The following EMC3 variants were observed in gnomAD, a reference collection of about 807,000 sequenced individuals.
EMC3 encodes the protein ER membrane protein complex subunit 3.
EMC3 carries 13 observed loss-of-function variants against 36.6 expected under a neutral mutation model. The ratio of observed to expected loss-of-function variants is 0.35; its 90% CI spans 0.23 to 0.56. The LOEUF is 0.56. Ranked by LOEUF, EMC3 falls within the 20% of genes least tolerant of loss-of-function variation. The pLI, the probability that EMC3 is intolerant of heterozygous loss-of-function variation, is 0.84. For synonymous variants in EMC3, 120 were observed against 111.9 expected (o/e 1.07, Z -0.46); for missense variants, 220 against 324.5 (o/e 0.68, Z 2.47).
At chr3:10,007,158 C>T in intron 1 of EMC3, 1 of 485,414 alleles carries the variant, frequency 2.1e-6, no homozygotes, top group Non-Finnish European at 3.2e-6. Context: ...AAAAAGCCAC[C>T]TCAGAGAAGT....
intron 1 of EMC3, among the ~76,000 whole-genome samples, chr3:9,978,606 C>T (rs1466891605): frequency 6.6e-6 from 1 of 151,936 alleles, no homozygotes; most frequent in Non-Finnish European, 1.5e-5. Context: ...CCGAGGTGGG[C>T]GGATCACGAG....
chr3:10,000,157 G>T (rs1331193229), intron 1 of EMC3, among the ~76,000 whole-genome samples: 2 of 151,994 alleles, frequency 1.3e-5, no homozygotes, highest in African/African-American at 4.8e-5. Context: ...TTCTCTCTCA[G>T]CCTCCCAAGT....
In EMC3 at chr3:9,963,770, C is replaced by T. The variant is rs1207166650; in HGVS notation, c.*299G>A. ...GGATTACAGGCGTGAGCCACTGCGC[C>T]TGGCCAAGATTTTATATATTATCAG... is the stretch of plus-strand genomic sequence containing the variant. On this transcript the variant is annotated 3_prime_UTR_variant, in exon 8 of 8. Coordinates refer to ENST00000245046, the MANE Select transcript of EMC3 (RefSeq NM_001394674.1). 1 of 237,324 alleles carries T rather than the reference C, an allele frequency of 4.2e-6. No homozygotes were observed. The highest frequency in any genetic ancestry group is 8.1e-6 in the Non-Finnish European group (1 of 123,430). 14.7% of individuals were successfully genotyped at this position (237,324 alleles called of 1,614,324 possible).
chr3:9,988,004 C>A (rs952741669), upstream of EMC3: 13 of 887,282 alleles, frequency 1.5e-5, no homozygotes, highest in Non-Finnish European at 2.2e-5. Context: ...AAAGGACAAG[C>A]AAGGTAAAGA....
intron 1 of EMC3, among the ~76,000 whole-genome samples, chr3:9,995,986 C>T (rs2886396): frequency 0.23 from 34,202 of 151,972 alleles, 4,466 homozygotes; most frequent in African/African-American, 0.36. Flanking sequence ...GGCACTGATA[C>T]ATTAGATCCT....
chr3:9,983,119 C>A (rs2085929547), intron 1 of EMC3, among the ~76,000 whole-genome samples: 1 of 151,536 alleles, frequency 6.6e-6, no homozygotes, highest in Non-Finnish European at 1.5e-5. Flanking sequence ...GTGTTACTGC[C>A]CTGTAGGGGG....
rs371322574 is a variant in EMC3 at position 9,973,678 on chromosome 3, A to G, written c.444T>C (p.Phe148=). 5.6e-6 allele frequency: 9 copies of G among 1,614,194 alleles called. No homozygotes were observed. Among genetic ancestry groups the G allele is most frequent in the Non-Finnish European group, 7.6e-6 (9 of 1,180,016 alleles). The change falls in exon 5 of 8, where the codon TTT becomes TTC. Residue 148 remains phenylalanine (F), a synonymous_variant. Coordinates refer to ENST00000245046, the MANE Select transcript of EMC3 (RefSeq NM_001394674.1). The stretch of plus-strand genomic sequence containing the variant: ...CGATTCCTTGCTGTAACATAGGCTT[A>G]AAACGGAGGGTCAGTGGAAATGGGA... ...TKVPFPLTLR[F]KPMLQQGIEL... is the part of the protein sequence containing the mutation.
In EMC3 at chr3:9,964,098, T is replaced by G; in HGVS notation, c.757A>C (p.Lys253Gln). ...AKDLHFEGMF[K>Q]KELQTSIF ...AAAATAGAGGTCTGTAATTCCTTTT[T>G]GAACATGCCTTCGAAGTGGAGGTCT... The change falls in exon 8 of 8, where the codon AAA becomes CAA. Residue 253 changes from lysine (K) to glutamine (Q), a missense_variant. Physicochemically the swap from Lys to Gln is moderately conservative, Grantham distance 53. Coordinates refer to ENST00000245046, the MANE Select transcript of EMC3 (RefSeq NM_001394674.1). The G allele has an allele frequency of 1.9e-6, 3 of 1,614,214 alleles. No homozygotes were observed. The highest frequency in any genetic ancestry group is 1.1e-5 in the South Asian group (1 of 91,090).
intron 7 of EMC3, among the ~76,000 whole-genome samples, chr3:9,964,487 G>A (rs2085718229): frequency 6.6e-6 from 1 of 152,188 alleles, no homozygotes; most frequent in African/African-American, 2.4e-5. Flanking sequence ...TGGTCTGACT[G>A]CAAAGTCCCC....
At position 9,986,793 on chromosome 3, in the gene EMC3, CT is replaced by C; in HGVS notation, c.-133del. ...CGTGTACCCCAGAACTCTCCTGCGA[CT>C]GTGAGCCGAGCTTACTGCCTTCAGC... On this transcript the variant is annotated 5_prime_UTR_variant, in exon 1 of 8. Coordinates refer to ENST00000245046, the MANE Select transcript of EMC3 (RefSeq NM_001394674.1). 4.1e-6 allele frequency: 6 copies of C among 1,470,750 alleles called. No individual in the cohort carries two copies. Among genetic ancestry groups the C allele is most frequent in the Non-Finnish European group, 5.4e-6 (6 of 1,110,556 alleles). 91.1% of individuals were successfully genotyped at this position (1,470,750 alleles called of 1,614,324 possible).
intron 7 of EMC3, among the ~76,000 whole-genome samples, chr3:9,966,737 G>T (rs2085739919): frequency 6.6e-6 from 1 of 151,968 alleles, no homozygotes. Flanking sequence ...ACTATGCCCA[G>T]CTAATTTTTG....
At chr3:9,990,619 C>G (rs2086038045), upstream of EMC3, among the ~76,000 whole-genome samples, 1 of 151,840 alleles carries the variant, frequency 6.6e-6, no homozygotes, top group South Asian at 2.1e-4. Context: ...AAGCAAATCT[C>G]CTGCCTCAGC....
At position 9,968,164 on chromosome 3, in the gene EMC3, C is replaced by T. The variant is rs577722690; in HGVS notation, c.657+1555G>A. Among the ~76,000 whole-genome samples, 488 of 152,370 alleles carry T rather than the reference C, an allele frequency of 3.2e-3. 3 individuals carry two copies. The highest frequency in any genetic ancestry group is 5.9e-3 in the Non-Finnish European group (399 of 68,036). ...CTTGATCTCTTGACGTTGTGATCTG[C>T]CCACCTCAGCCTCCCAAAGTGCTAG... On this transcript the variant is annotated intron_variant, in intron 7 of 7. Coordinates refer to ENST00000245046, the MANE Select transcript of EMC3 (RefSeq NM_001394674.1).
At chr3:9,989,963 T>G (rs531363878), upstream of EMC3, among the ~76,000 whole-genome samples, 8 of 146,132 alleles carry the variant, frequency 5.5e-5, no homozygotes, top group South Asian at 1.7e-3. Context: ...CTTTTTAACT[T>G]TTTTTTTTTT....
chr3:9,999,743 G>C (rs76786545), intron 1 of EMC3, among the ~76,000 whole-genome samples: 4,026 of 152,274 alleles, frequency 0.026, 174 homozygotes, highest in African/African-American at 0.091. Flanking sequence ...GTTTGAGTTA[G>C]AGTGTAAAGA....
intron 1 of EMC3, among the ~76,000 whole-genome samples, chr3:9,979,254 G>T (rs933433143): frequency 1.3e-5 from 2 of 152,200 alleles, no homozygotes; most frequent in African/African-American, 4.8e-5. Context: ...AGGATTTAGA[G>T]ACTTTTATAA....
chr3:9,983,276 T>C (rs1284572965), intron 1 of EMC3, among the ~76,000 whole-genome samples: 2 of 152,016 alleles, frequency 1.3e-5, no homozygotes, highest in African/African-American at 4.8e-5. Flanking sequence ...GGCTCCCTAG[T>C]AGCTGGGATT....
chr3:10,008,470 A>G (rs746809369), intron 1 of EMC3: 13 of 1,367,410 alleles, frequency 9.5e-6, no homozygotes, highest in Non-Finnish European at 1.2e-5. Flanking sequence ...CAGCCTCCAT[A>G]TGGCAGACAT....
At chr3:9,997,836 C>G (rs1483721635) in intron 1 of EMC3, among the ~76,000 whole-genome samples, 4 of 152,086 alleles carry the variant, frequency 2.6e-5, no homozygotes, top group Non-Finnish European at 4.4e-5. Flanking sequence ...CACCTTTTGG[C>G]CATTTGAATA....
Sources: gnomAD v4.1 joint callset for allele counts (sites outside exome capture counted in the v4.1 genomes callset) on GRCh38, gnomAD v4.1.1 for gene constraint, MANE v1.5 for transcripts, NCBI Gene and HGNC (gene_info 2026-07-23, HGNC 2026-07-21) for gene names.